The following SOX6 variants were observed in gnomAD, a reference collection of about 807,000 sequenced individuals.
SOX6 encodes SRY-box transcription factor 6, also known as transcription factor SOX-6.
A neutral mutation model predicts 97.8 loss-of-function variants in SOX6; 11 were observed. The observed-to-expected ratio is 0.11, with a 90% CI of 0.07 to 0.19. The LOEUF is 0.19. SOX6 is among the 10% of genes least tolerant of loss of function. SOX6 has a pLI of 1.00. For missense variants in SOX6, 810 were observed against 1,039.5 expected (o/e 0.78, Z 3.04); for synonymous variants, 360 against 371.4 (o/e 0.97, Z 0.35).
intron 3 of SOX6, among the ~76,000 whole-genome samples, chr11:16,632,999 T>A (rs1310577832): frequency 6.6e-6 from 1 of 152,054 alleles, no homozygotes; most frequent in East Asian, 1.9e-4. Flanking sequence ...GAGCTGGTGC[T>A]CCAAATTCCT....
intron 13 of SOX6, among the ~76,000 whole-genome samples, chr11:15,996,324 A>C (rs1310128994): frequency 6.6e-6 from 1 of 152,122 alleles, no homozygotes; most frequent in Admixed American, 6.5e-5. Flanking sequence ...CCTTAGAAAA[A>C]CCAATTTAAA....
At chr11:16,304,773 T>G (rs1350124849) in intron 3 of SOX6, among the ~76,000 whole-genome samples, 4 of 152,158 alleles carry the variant, frequency 2.6e-5, no homozygotes, top group African/African-American at 4.8e-5. Context: ...CCTTGGAATT[T>G]TCTATATAGA....
intron 4 of SOX6, among the ~76,000 whole-genome samples, chr11:16,198,025 C>CTGTTGTTGTTGT (rs66685848): frequency 1.5e-4 from 22 of 150,020 alleles, no homozygotes; most frequent in African/African-American, 5.4e-4. Flanking sequence ...TCAAGATTTC[C>CTGTTGTTGTTGT]TGTTGTTGTT....
At chr11:16,628,062 A>G (rs1312349523) in intron 3 of SOX6, among the ~76,000 whole-genome samples, 1 of 152,166 alleles carries the variant, frequency 6.6e-6, no homozygotes, top group Non-Finnish European at 1.5e-5. Context: ...TCCTTTCCCC[A>G]TTGCTTATTT....
chr11:16,345,564 G>A (rs1310483479), intron 1 of SOX6, among the ~76,000 whole-genome samples: 1 of 152,052 alleles, frequency 6.6e-6, no homozygotes, highest in Admixed American at 6.6e-5. Context: ...TACAAAGTCT[G>A]AATGTTTGGC....
At chr11:15,983,785 C>A (rs1564892858) in intron 15 of SOX6, among the ~76,000 whole-genome samples, 1 of 152,090 alleles carries the variant, frequency 6.6e-6, no homozygotes, top group Non-Finnish European at 1.5e-5. Context: ...CCCTATTCTG[C>A]AGTCTAAAAT....
intron 15 of SOX6, 73 bp downstream of exon 15, chr11:15,986,131 T>C (rs1853829823): frequency 2.2e-6 from 3 of 1,340,106 alleles, no homozygotes; most frequent in South Asian, 1.2e-5. Flanking sequence ...TTCCCAAACA[T>C]ACTGCCAGTA....
intron 6 of SOX6, among the ~76,000 whole-genome samples, chr11:16,132,707 T>G (rs1392918633): frequency 1.3e-5 from 2 of 151,844 alleles, no homozygotes; most frequent in South Asian, 2.1e-4. Context: ...TTTTTTTTTT[T>G]TTTGTTCCAT....
At chr11:16,514,842 C>T (rs1216046886) in intron 4 of SOX6, among the ~76,000 whole-genome samples, 1 of 151,644 alleles carries the variant, frequency 6.6e-6, no homozygotes, top group East Asian at 1.9e-4. Flanking sequence ...TGATGATTTC[C>T]AATTTCATCC....
At chr11:16,081,050 C>T (rs548994483) in intron 9 of SOX6, among the ~76,000 whole-genome samples, 40 of 151,964 alleles carry the variant, frequency 2.6e-4, no homozygotes, top group East Asian at 9.7e-4. Context: ...GATTGTACCA[C>T]GGCACTCCAG....
At chr11:16,082,315 G>A (rs1179174939) in intron 9 of SOX6, among the ~76,000 whole-genome samples, 1 of 152,136 alleles carries the variant, frequency 6.6e-6, no homozygotes, top group Non-Finnish European at 1.5e-5. Context: ...ATAAGTCAGT[G>A]GCAGAGATCC....
intron 1 of SOX6, among the ~76,000 whole-genome samples, chr11:16,452,535 T>C (rs916943060): frequency 6.6e-6 from 1 of 152,174 alleles, no homozygotes; most frequent in Non-Finnish European, 1.5e-5. Flanking sequence ...TTAAGCTTGA[T>C]TTTGAGGAAG....
chr11:16,578,451 T>G (rs1376788752), intron 4 of SOX6, among the ~76,000 whole-genome samples: 1 of 152,146 alleles, frequency 6.6e-6, no homozygotes, highest in East Asian at 1.9e-4. Flanking sequence ...CATGAAGCCT[T>G]CTCTACACTT....
At chr11:15,999,709 A>G (rs1310355145) in intron 13 of SOX6, among the ~76,000 whole-genome samples, 1 of 152,178 alleles carries the variant, frequency 6.6e-6, no homozygotes, top group Non-Finnish European at 1.5e-5. Flanking sequence ...TAAGAAGAGC[A>G]AAAAACTATA....
chr11:16,509,365 A>T (rs1028446707), intron 4 of SOX6, among the ~76,000 whole-genome samples: 1 of 152,014 alleles, frequency 6.6e-6, no homozygotes, highest in South Asian at 2.1e-4. Context: ...AATGCTATTT[A>T]TGCTACAATA....
At chr11:16,660,807 G>A (rs1847760524) in intron 3 of SOX6, among the ~76,000 whole-genome samples, 1 of 152,120 alleles carries the variant, frequency 6.6e-6, no homozygotes, top group African/African-American at 2.4e-5. Context: ...ATGAGGAATG[G>A]GCCCTCAACA....
At chr11:16,712,579 T>A (rs1162793886) in intron 3 of SOX6, among the ~76,000 whole-genome samples, 1 of 152,150 alleles carries the variant, frequency 6.6e-6, no homozygotes, top group Non-Finnish European at 1.5e-5. Flanking sequence ...TGTCCTTAGT[T>A]ACTAGAACAC....
At chr11:16,250,543 T>C (rs1253375542) in intron 3 of SOX6, among the ~76,000 whole-genome samples, 1 of 152,122 alleles carries the variant, frequency 6.6e-6, no homozygotes, top group East Asian at 1.9e-4. Flanking sequence ...GGTTATATCA[T>C]GTAAACACTA....
At chr11:16,597,925 T>C (rs76535689) in intron 4 of SOX6, among the ~76,000 whole-genome samples, 25,516 of 151,988 alleles carry the variant, frequency 0.17, 2,782 homozygotes, top group East Asian at 0.32. Flanking sequence ...TTAATTCTCC[T>C]TTCAAGGAAA....
Sources: gnomAD v4.1 joint callset for allele counts (sites outside exome capture counted in the v4.1 genomes callset) on GRCh38, gnomAD v4.1.1 for gene constraint, MANE v1.5 for transcripts, NCBI Gene and HGNC (gene_info 2026-07-23, HGNC 2026-07-21) for gene names.